The following UNC5D variants were observed in gnomAD, a reference collection of about 807,000 sequenced individuals.
UNC5D encodes the protein netrin receptor UNC5D.
A neutral mutation model predicts 105.4 loss-of-function variants in UNC5D; 39 were observed. The ratio of observed to expected loss-of-function variants is 0.37; its 90% CI spans 0.29 to 0.48. UNC5D has a LOEUF of 0.48. UNC5D is among the 20% of genes least tolerant of loss of function. The pLI, the probability that UNC5D is intolerant of heterozygous loss-of-function variation, is 0.98. For synonymous variants in UNC5D, 452 were observed against 450.4 expected, an observed-to-expected ratio of 1.00 and a Z score of -0.04; for missense variants, 991 against 1,202.4, an observed-to-expected ratio of 0.82 and a Z score of 2.60.
intron 11 of UNC5D, among the ~76,000 whole-genome samples, chr8:35,742,391 T>A (rs1449142179): frequency 6.6e-6 from 1 of 152,248 alleles, no homozygotes; most frequent in Non-Finnish European, 1.5e-5. Flanking sequence ...ATATGTCTTG[T>A]GCATGGAAAA....
intron 11 of UNC5D, among the ~76,000 whole-genome samples, chr8:35,735,187 G>A (rs1169881470): frequency 6.6e-6 from 1 of 152,144 alleles, no homozygotes; most frequent in East Asian, 1.9e-4. Flanking sequence ...TGATACAGAT[G>A]TAGCAGGAAG....
Position 35,790,706 on chromosome 8 carries a change from A to G in UNC5D, c.*143A>G. 2.5e-6 allele frequency: 2 copies of G among 814,892 alleles called. No individual in the cohort carries two copies. The highest frequency in any genetic ancestry group is 3.9e-6 in the Non-Finnish European group (2 of 516,080). 50.5% of individuals were successfully genotyped at this position (814,892 alleles called of 1,614,324 possible). A position where few individuals can be genotyped will look rare whatever the true frequency, so the allele number is the denominator to read the frequency against. On this transcript the variant is annotated 3_prime_UTR_variant, in exon 17 of 17. Transcript: ENST00000404895. ...TGAGATTCCCCTGTTGAAGAAACTA[A>G]ATTTTATATAGGTAAAACATGTTAA...
intron 1 of UNC5D, among the ~76,000 whole-genome samples, chr8:35,250,748 C>T (rs1419355748): frequency 1.3e-5 from 2 of 152,132 alleles, no homozygotes; most frequent in Non-Finnish European, 2.9e-5. Context: ...CCGCCCGCCT[C>T]GGCCTCCCAA....
intron 7 of UNC5D, among the ~76,000 whole-genome samples, chr8:35,689,119 C>T (rs1463934507): frequency 6.6e-6 from 1 of 152,194 alleles, no homozygotes; most frequent in Non-Finnish European, 1.5e-5. Flanking sequence ...ATAACCTTCA[C>T]TAACAACCAC....
chr8:35,454,156 G>A (rs1808339045), intron 1 of UNC5D, among the ~76,000 whole-genome samples: 1 of 152,132 alleles, frequency 6.6e-6, no homozygotes, highest in South Asian at 2.1e-4. Flanking sequence ...TATGGAACAG[G>A]AGTGGAATGG....
intron 14 of UNC5D, among the ~76,000 whole-genome samples, chr8:35,763,508 T>A (rs1326446541): frequency 6.9e-6 from 1 of 144,754 alleles, no homozygotes; most frequent in East Asian, 2.0e-4. Context: ...TTGCAGAAAA[T>A]GTACATTTGC....
rs1828611395 is a variant in UNC5D, at chr8:35,722,103, C to T, written c.1118-107C>T. On this transcript the variant is annotated intron_variant, in intron 8 of 16. Coordinates refer to ENST00000404895, the MANE Select transcript of UNC5D (RefSeq NM_080872.4). ...GTTCACTGTACATCTGTCATTGTCT[C>T]TGAGCAGTAGCTCCAAAAATCCAAT... is the stretch of plus-strand genomic sequence containing the variant. The T allele has an allele frequency of 3.2e-6, 4 of 1,261,888 alleles. No homozygotes were observed. The East Asian group carries it at 7.0e-5, about 22-fold the overall frequency. The allele number at this position is 1,261,888 out of a possible 1,614,324, so 78.2% of individuals were successfully genotyped here. A position where few individuals can be genotyped will look rare whatever the true frequency, so the allele number is the denominator to read the frequency against.
intron 1 of UNC5D, among the ~76,000 whole-genome samples, chr8:35,477,590 A>C (rs78636902): frequency 0.04 from 6,055 of 152,190 alleles, 438 homozygotes; most frequent in African/African-American, 0.14. Flanking sequence ...CTATTCTGAC[A>C]CCCAATCAAA....
intron 1 of UNC5D, among the ~76,000 whole-genome samples, chr8:35,486,218 G>A (rs1810812896): frequency 1.3e-5 from 2 of 152,118 alleles, no homozygotes; most frequent in African/African-American, 4.8e-5. Context: ...ATTTTGGGGG[G>A]CTTTGTGAGG....
intron 1 of UNC5D, chr8:35,525,334 G>A: frequency 1.2e-6 from 2 of 1,612,156 alleles, no homozygotes; most frequent in Non-Finnish European, 8.5e-7. Flanking sequence ...TGATATGGGG[G>A]TGTAATAACA....
intron 4 of UNC5D, among the ~76,000 whole-genome samples, chr8:35,657,112 ATATATATATAT>A (rs1179811487): frequency 8.7e-6 from 1 of 114,734 alleles, no homozygotes. Flanking sequence ...ATATATATAT[ATATATATATAT>A]GCCAGTTGCT....
At chr8:35,735,787 A>C (rs1563719443) in intron 11 of UNC5D, among the ~76,000 whole-genome samples, 1 of 152,202 alleles carries the variant, frequency 6.6e-6, no homozygotes, top group Non-Finnish European at 1.5e-5. Context: ...AGTAGCAAAA[A>C]CCATACACAC....
chr8:35,719,111 A>G (rs1387882230), intron 8 of UNC5D, among the ~76,000 whole-genome samples: 2 of 147,356 alleles, frequency 1.4e-5, no homozygotes, highest in Non-Finnish European at 3.0e-5. Context: ...ATGATTCTTC[A>G]GGGGCACTGC....
chr8:35,417,306 T>C (rs577806334), intron 1 of UNC5D, among the ~76,000 whole-genome samples: 13 of 149,990 alleles, frequency 8.7e-5, no homozygotes, highest in African/African-American at 2.7e-4. Context: ...TGGGGGTTCC[T>C]TGAAATGATC....
In UNC5D at chr8:35,414,838, T is replaced by C. The variant is rs545629566; in HGVS notation, c.104-134454T>C. Among the ~76,000 whole-genome samples, 17 of 152,266 alleles carry C rather than the reference T, an allele frequency of 1.1e-4. No individual in the cohort carries two copies. The East Asian group carries it at 3.3e-3, about 29-fold the overall frequency. The stretch of plus-strand genomic sequence containing the variant: ...GTTTTCCAAATCATAATAAACTTAA[T>C]TTCTTTTTCAGTCCCAGTAGTGAAC... On this transcript the variant is annotated intron_variant, in intron 1 of 16. Transcript: ENST00000404895.
chr8:35,446,094 G>C (rs1046865019), intron 1 of UNC5D, among the ~76,000 whole-genome samples: 3 of 151,702 alleles, frequency 2.0e-5, no homozygotes, highest in African/African-American at 7.3e-5. Context: ...GTGAGATTTT[G>C]GTGCACCCAT....
At chr8:35,373,315 T>C (rs1802524708) in intron 1 of UNC5D, among the ~76,000 whole-genome samples, 1 of 152,224 alleles carries the variant, frequency 6.6e-6, no homozygotes, top group African/African-American at 2.4e-5. Context: ...TACTGCACCA[T>C]ATGGTGCTCA....
At chr8:35,364,704 A>T (rs1401322460) in intron 1 of UNC5D, among the ~76,000 whole-genome samples, 3 of 152,180 alleles carry the variant, frequency 2.0e-5, no homozygotes, top group Non-Finnish European at 4.4e-5. Context: ...ACCTATCAGT[A>T]TATATACTAA....
intron 3 of UNC5D, among the ~76,000 whole-genome samples, chr8:35,571,458 C>T (rs1157828058): frequency 1.3e-5 from 2 of 151,940 alleles, no homozygotes; most frequent in South Asian, 2.1e-4. Context: ...CATGATTTGT[C>T]ATTAAATATT....
Sources: allele counts gnomAD v4.1 joint callset (sites outside exome capture counted in the v4.1 genomes callset), GRCh38; gene constraint gnomAD v4.1.1; transcripts MANE v1.5; gene names NCBI Gene and HGNC (gene_info 2026-07-23, HGNC 2026-07-21).